Variants in UBE2E2 observed in about 807,000 individuals in gnomAD.
The protein encoded by UBE2E2 is ubiquitin-conjugating enzyme E2 E2.
In UBE2E2, 6 loss-of-function variants were observed where a neutral mutation model predicts 24.7. The ratio of observed to expected loss-of-function variants is 0.24; its 90% confidence interval spans 0.13 to 0.48. The LOEUF is 0.48. Among genes scored for constraint, UBE2E2 ranks in the 20% least tolerant of loss-of-function variants. The pLI, the probability that UBE2E2 is intolerant of heterozygous loss-of-function variation, is 0.99. For synonymous variants in UBE2E2, 104 were observed against 83.6 expected (o/e 1.24, Z -1.33); for missense variants, 169 against 245.0 (o/e 0.69, Z 2.07).
intron 5 of UBE2E2, among the ~76,000 whole-genome samples, chr3:23,576,658 C>A (rs1036074199): frequency 6.6e-6 from 1 of 152,120 alleles, no homozygotes; most frequent in Non-Finnish European, 1.5e-5. Context: ...TACTTATATT[C>A]TTCTAATCAT....
In UBE2E2 at chr3:23,589,962, G is replaced by T; in HGVS notation, c.*131G>T. 1 of 791,728 alleles carries T rather than the reference G, an allele frequency of 1.3e-6. No homozygotes were observed. The highest frequency in any genetic ancestry group is 2.0e-6 in the Non-Finnish European group (1 of 501,298). 49.0% of individuals were successfully genotyped at this position (791,728 alleles called of 1,614,324 possible). On this transcript the variant is annotated 3_prime_UTR_variant, in exon 6 of 6. Transcript: ENST00000396703. The surrounding 1 kb of genome is among the most constrained non-coding windows in gnomAD (Gnocchi z 4.1). ...ATTAAATTTGGAACCATTTTGTGATGGTATGTTGTCCATCTTCCCATCCCA... is the reference window on the plus strand; with the variant it reads ...ATTAAATTTGGAACCATTTTGTGATTGTATGTTGTCCATCTTCCCATCCCA...
chr3:23,403,748 C>T (rs747196143), intron 3 of UBE2E2, among the ~76,000 whole-genome samples: 9 of 143,678 alleles, frequency 6.3e-5, no homozygotes, highest in South Asian at 2.3e-4. Flanking sequence ...TGCTTGAACC[C>T]GGGAGGTGGA....
intron 3 of UBE2E2, among the ~76,000 whole-genome samples, chr3:23,351,261 G>A (rs562585936): frequency 4.5e-4 from 68 of 152,138 alleles, no homozygotes; most frequent in Middle Eastern, 3.4e-3. Flanking sequence ...AGGAACAACC[G>A]GTACCAGCCA....
chr3:23,560,192 G>A lies in UBE2E2; in HGVS notation c.508+27491G>A, dbSNP rs1012463643. Among the ~76,000 whole-genome samples the A allele has an allele frequency of 1.7e-4, 25 of 151,416 alleles. No homozygotes were observed. The East Asian group carries it at 3.3e-3, about 20-fold the overall frequency. On this transcript the variant is annotated intron_variant, in intron 5 of 5. Coordinates refer to ENST00000396703, the MANE Select transcript of UBE2E2 (RefSeq NM_152653.4). ...CATCATTTATATTAGGTATATCTCC[G>A]AATGCTATACCTCCCCCCTCCCCCT...
chr3:23,416,269 T>G (rs1050224562), intron 3 of UBE2E2, among the ~76,000 whole-genome samples: 1 of 152,202 alleles, frequency 6.6e-6, no homozygotes, highest in Admixed American at 6.5e-5. Context: ...CTCTCAGCAT[T>G]TGCTTGTCTG....
At chr3:23,358,388 T>A (rs1696024927) in intron 3 of UBE2E2, among the ~76,000 whole-genome samples, 2 of 152,218 alleles carry the variant, frequency 1.3e-5, no homozygotes, top group African/African-American at 4.8e-5. Context: ...GCTTAAAGGT[T>A]CATCAAGCCC....
intron 3 of UBE2E2, among the ~76,000 whole-genome samples, chr3:23,379,513 C>T (rs931035404): frequency 1.5e-4 from 22 of 148,630 alleles, no homozygotes; most frequent in Non-Finnish European, 2.7e-4. Flanking sequence ...TTTGTTCTTG[C>T]GATAGTTTAC....
chr3:23,422,041 A>G (rs577281991), intron 3 of UBE2E2, among the ~76,000 whole-genome samples: 2 of 152,356 alleles, frequency 1.3e-5, no homozygotes, highest in Admixed American at 6.5e-5. Flanking sequence ...CACAACATTA[A>G]TGGGGCTGCC....
chr3:23,228,301 A>G (rs1452444524), intron 3 of UBE2E2, among the ~76,000 whole-genome samples: 1 of 152,176 alleles, frequency 6.6e-6, no homozygotes, highest in African/African-American at 2.4e-5. Context: ...TCTGAAAAAT[A>G]TATATTAAAT....
At chr3:23,483,660 A>C (rs538339721) in intron 3 of UBE2E2, among the ~76,000 whole-genome samples, 132 of 152,340 alleles carry the variant, frequency 8.7e-4, no homozygotes, top group African/African-American at 2.9e-3. Flanking sequence ...GTAGTTTCTC[A>C]TTCAGTAAGT....
At position 23,298,867 on chromosome 3, in the gene UBE2E2, T is replaced by G. The variant is rs528894817; in HGVS notation, c.227+81555T>G. Reference sequence around the variant, plus strand: ...GGAATAGTTTCAGAAGGAATGGTACTAGCTCGTCTTTGTACCTCTGGTAGA... The same window carrying G: ...GGAATAGTTTCAGAAGGAATGGTACGAGCTCGTCTTTGTACCTCTGGTAGA... On this transcript the variant is annotated intron_variant, in intron 3 of 5. Transcript: ENST00000396703. Among the ~76,000 whole-genome samples the G allele has an allele frequency of 4.1e-4, 63 of 152,276 alleles. 1 individual carries two copies. Among genetic ancestry groups the G allele is most frequent in the African/African-American group, 1.5e-3 (63 of 41,572 alleles).
intron 3 of UBE2E2, among the ~76,000 whole-genome samples, chr3:23,465,314 C>T (rs139817562): frequency 6.6e-6 from 1 of 152,270 alleles, no homozygotes; most frequent in East Asian, 1.9e-4. Context: ...AGGCAGCTCT[C>T]CTGGCCCCCA....
chr3:23,276,227 C>G (rs1227840684), intron 3 of UBE2E2, among the ~76,000 whole-genome samples: 1 of 152,014 alleles, frequency 6.6e-6, no homozygotes, highest in East Asian at 1.9e-4. Context: ...CCTTCCCCCA[C>G]CAAGACACAA....
chr3:23,403,222 C>T (rs1342765387), intron 3 of UBE2E2, among the ~76,000 whole-genome samples: 1 of 152,202 alleles, frequency 6.6e-6, no homozygotes, highest in Non-Finnish European at 1.5e-5. Context: ...AGCATTCAAA[C>T]ACCACCCCTG....
At chr3:23,372,245 A>G (rs761833796) in intron 3 of UBE2E2, among the ~76,000 whole-genome samples, 23 of 152,248 alleles carry the variant, frequency 1.5e-4, no homozygotes, top group African/African-American at 2.9e-4. Context: ...CCTAATGGGT[A>G]CTTCAGACTG....
In UBE2E2 at chr3:23,454,752, C is replaced by G. The variant is rs193017093; in HGVS notation, c.228-44856C>G. ...AACTAAGTGCAAGTTTGGCAAGATG[C>G]CATACTATTTTTTGATAGCATACAA... On this transcript the variant is annotated intron_variant, in intron 3 of 5. Coordinates refer to ENST00000396703, the MANE Select transcript of UBE2E2 (RefSeq NM_152653.4). 3.9e-3 allele frequency among the ~76,000 whole-genome samples: 598 copies of G among 152,218 alleles called. 1 individual carries two copies. The highest frequency in any genetic ancestry group is 6.2e-3 in the Non-Finnish European group (422 of 67,982).
intron 3 of UBE2E2, among the ~76,000 whole-genome samples, chr3:23,490,127 G>C (rs1699465573): frequency 6.6e-6 from 1 of 152,120 alleles, no homozygotes. Context: ...CAAGTGAATG[G>C]ATTTCTAGTC....
chr3:23,347,942 C>A (rs1411307501), intron 3 of UBE2E2, among the ~76,000 whole-genome samples: 1 of 151,970 alleles, frequency 6.6e-6, no homozygotes, highest in Non-Finnish European at 1.5e-5. Flanking sequence ...TTGTGGTAGG[C>A]TATAATAAAC....
At chr3:23,339,929 A>G (rs1241764107) in intron 3 of UBE2E2, among the ~76,000 whole-genome samples, 1 of 152,118 alleles carries the variant, frequency 6.6e-6, no homozygotes, top group African/African-American at 2.4e-5. Flanking sequence ...AATAACGGGA[A>G]ATACTGAAAT....
Sources: allele counts gnomAD v4.1 joint callset (sites outside exome capture counted in the v4.1 genomes callset), GRCh38; gene constraint gnomAD v4.1.1; non-coding constraint Gnocchi (gnomAD v3.1); transcripts MANE v1.5; gene names NCBI Gene and HGNC (gene_info 2026-07-23, HGNC 2026-07-21).